BACH2: variants seen among roughly 807,000 people sequenced by gnomAD.
BACH2 encodes BACH transcriptional regulator 2.
Under a neutral mutation model 61.8 loss-of-function variants are expected in BACH2, and 5 were observed. The observed-to-expected ratio is 0.08, with a 90% confidence interval of 0.04 to 0.17. BACH2 has a LOEUF of 0.17. BACH2 is among the 10% of genes least tolerant of loss of function. The probability of loss-of-function intolerance (pLI) is 1.00; values close to 1 mark genes in which losing one functional copy is unlikely to be tolerated. For synonymous variants in BACH2, 446 were observed against 440.1 expected (o/e 1.01, Z -0.17); for missense variants, 824 against 1,091.1 (o/e 0.76, Z 3.45).
At chr6:90,232,860 T>G (rs1428717807) in intron 3 of BACH2, among the ~76,000 whole-genome samples, 1 of 152,230 alleles carries the variant, frequency 6.6e-6, no homozygotes, top group Non-Finnish European at 1.5e-5. Context: ...CATCTTTTAT[T>G]AATTCCTAGC....
At chr6:90,100,215 A>C (rs185749899) in intron 4 of BACH2, among the ~76,000 whole-genome samples, 2 of 152,210 alleles carry the variant, frequency 1.3e-5, no homozygotes, top group African/African-American at 4.8e-5. Context: ...CATTTTAGCT[A>C]TTATGAATAA....
chr6:90,038,761 G>A (rs953816471), intron 5 of BACH2, among the ~76,000 whole-genome samples: 4 of 151,902 alleles, frequency 2.6e-5, no homozygotes, highest in African/African-American at 4.8e-5. Context: ...CATATGGCCC[G>A]GGCATGGTGG....
chr6:90,102,039 G>A (rs768245383), intron 4 of BACH2, among the ~76,000 whole-genome samples: 2 of 152,102 alleles, frequency 1.3e-5, no homozygotes, highest in Non-Finnish European at 2.9e-5. Flanking sequence ...AGGTTTTTTC[G>A]TGTGTGGTTT....
intron 4 of BACH2, among the ~76,000 whole-genome samples, chr6:90,185,779 T>C (rs72925971): frequency 0.021 from 3,124 of 152,348 alleles, 51 homozygotes; most frequent in Non-Finnish European, 0.034. Context: ...CACATTAGTA[T>C]CTTCTGTCTT....
intron 3 of BACH2, among the ~76,000 whole-genome samples, chr6:90,236,002 C>T (rs1402997011): frequency 6.6e-6 from 1 of 152,236 alleles, no homozygotes; most frequent in Non-Finnish European, 1.5e-5. Context: ...GGTCCTGTGG[C>T]TATTCACCAG....
intron 4 of BACH2, among the ~76,000 whole-genome samples, chr6:90,200,282 G>A (rs1170370850): frequency 6.6e-6 from 1 of 152,128 alleles, no homozygotes; most frequent in Non-Finnish European, 1.5e-5. Context: ...CCATAGTTTG[G>A]GAACCACTGG....
chr6:90,012,819 C>G (rs971993832), intron 5 of BACH2, among the ~76,000 whole-genome samples: 16 of 151,980 alleles, frequency 1.1e-4, no homozygotes, highest in African/African-American at 3.9e-4. Context: ...AGGCATGTGC[C>G]ACCGTGCTTG....
At position 89,952,235 on chromosome 6, in the gene BACH2, G is replaced by A. The variant is rs186570723; in HGVS notation, c.244-373C>T. The A allele has an allele frequency of 2.7e-4, 54 of 196,674 alleles. No individual in the cohort carries two copies. In the Middle Eastern group the frequency reaches 6.8e-3, roughly 25 times the overall value. 12.2% of individuals were successfully genotyped at this position (196,674 alleles called of 1,614,324 possible). ...CTGTTGAGAGCCATTCTACACGAGGGGGGAGTGTTGTGACACTTCTTGCAG... is the reference window on the plus strand; with the variant it reads ...CTGTTGAGAGCCATTCTACACGAGGAGGGAGTGTTGTGACACTTCTTGCAG... On this transcript the variant is annotated intron_variant, in intron 6 of 8. Coordinates refer to ENST00000257749, the MANE Select transcript of BACH2 (RefSeq NM_021813.4).
chr6:90,264,288 T>G (rs1771257370), intron 2 of BACH2, among the ~76,000 whole-genome samples: 1 of 152,198 alleles, frequency 6.6e-6, no homozygotes, highest in African/African-American at 2.4e-5. Context: ...TGCTGAGGTC[T>G]TCAGGGAAAA....
At chr6:90,233,966 T>C (rs904791864) in intron 3 of BACH2, among the ~76,000 whole-genome samples, 2 of 152,182 alleles carry the variant, frequency 1.3e-5, no homozygotes, top group African/African-American at 2.4e-5. Context: ...TAAGTGCTTA[T>C]AGAACCAGAC....
At chr6:90,056,774 C>G (rs1466703004) in intron 5 of BACH2, among the ~76,000 whole-genome samples, 1 of 152,224 alleles carries the variant, frequency 6.6e-6, no homozygotes, top group Non-Finnish European at 1.5e-5. Context: ...CAAACTGTCT[C>G]TCAGACCACA....
intron 5 of BACH2, among the ~76,000 whole-genome samples, chr6:90,013,487 G>T (rs1487712785): frequency 7.9e-5 from 11 of 139,634 alleles, no homozygotes; most frequent in South Asian, 2.3e-4. Context: ...CCCTCCCCTT[G>T]TTTTCCCTTT....
At chr6:90,172,029 C>T (rs913346297) in intron 4 of BACH2, among the ~76,000 whole-genome samples, 8 of 151,932 alleles carry the variant, frequency 5.3e-5, no homozygotes, top group South Asian at 4.2e-4. Flanking sequence ...ATTATATGGC[C>T]GGGCACAGTG....
At chr6:90,236,031 G>T (rs1390129615) in intron 3 of BACH2, among the ~76,000 whole-genome samples, 1 of 152,326 alleles carries the variant, frequency 6.6e-6, no homozygotes, top group African/African-American at 2.4e-5. Context: ...CCTTATGGGG[G>T]CCACCCAGCA....
intron 5 of BACH2, among the ~76,000 whole-genome samples, chr6:90,071,021 T>G (rs1361436866): frequency 1.3e-5 from 2 of 152,222 alleles, no homozygotes; most frequent in Admixed American, 1.3e-4. Context: ...AGTCTTGCTC[T>G]GTCACCCATG....
intron 4 of BACH2, among the ~76,000 whole-genome samples, chr6:90,194,053 A>G (rs1562497499): frequency 2.0e-5 from 3 of 152,164 alleles, no homozygotes; most frequent in Non-Finnish European, 4.4e-5. Context: ...CAACTACGCC[A>G]CATAATCCAC....
At chr6:90,292,790 T>C (rs1459849933) in intron 1 of BACH2, among the ~76,000 whole-genome samples, 1 of 152,224 alleles carries the variant, frequency 6.6e-6, no homozygotes, top group African/African-American at 2.4e-5. Flanking sequence ...CTCTTACATA[T>C]GCTTTCATCC....
chr6:90,068,903 T>C (rs1781091362), intron 5 of BACH2, among the ~76,000 whole-genome samples: 1 of 152,222 alleles, frequency 6.6e-6, no homozygotes, highest in Non-Finnish European at 1.5e-5. Context: ...CTCCCCTGGA[T>C]TCGCGCCGTA....
chr6:90,111,021 G>T (rs908037466), intron 4 of BACH2, among the ~76,000 whole-genome samples: 95 of 152,338 alleles, frequency 6.2e-4, no homozygotes, highest in African/African-American at 2.2e-3. Flanking sequence ...TGCTGGTGAA[G>T]AACTAGCAGT....
Sources: gnomAD v4.1 joint callset for allele counts (sites outside exome capture counted in the v4.1 genomes callset) on GRCh38, gnomAD v4.1.1 for gene constraint, MANE v1.5 for transcripts, NCBI Gene and HGNC (gene_info 2026-07-23, HGNC 2026-07-21) for gene names.